The following RPL32 variants were observed in gnomAD, a reference collection of about 807,000 sequenced individuals.
The protein encoded by RPL32 is large ribosomal subunit protein eL32.
For synonymous variants in RPL32, 61 were observed against 62.6 expected (o/e 0.98, Z 0.12); for missense variants, 117 against 173.7 (o/e 0.67, Z 1.83).
intron 2 of RPL32, 114 bp downstream of exon 2, chr3:12,840,028 A>G (rs2062135673): frequency 3.5e-6 from 3 of 857,656 alleles, no homozygotes; most frequent in Admixed American, 3.6e-5. Context: ...TTCTACAGAA[A>G]GCTCTTCCAC....
At chr3:12,839,217 T>A in intron 3 of RPL32, 132 bp downstream of exon 3, 1 of 780,566 alleles carries the variant, frequency 1.3e-6, no homozygotes, top group South Asian at 1.7e-5. Context: ...AGGAACAACT[T>A]CTGATTCCCT....
At chr3:12,841,216 C>T (rs2062150180) in intron 1 of RPL32, 1 of 152,360 alleles carries the variant, frequency 6.6e-6, no homozygotes, top group Admixed American at 6.5e-5. Context: ...GTCCCACGGC[C>T]CCCAGGAGAC....
rs1325977435 is a variant in RPL32, at chr3:12,834,909, G to A, written c.*1185C>T. The A allele has an allele frequency of 1.3e-5, 2 of 152,176 alleles. No individual in the cohort carries two copies. Among genetic ancestry groups the A allele is most frequent in the Non-Finnish European group, 2.9e-5 (2 of 68,032 alleles). 9.4% of individuals were successfully genotyped at this position (152,176 alleles called of 1,614,324 possible). A position where few individuals can be genotyped will look rare whatever the true frequency, so the allele number is the denominator to read the frequency against. The stretch of plus-strand genomic sequence containing the variant: ...ATCAAGCCACTGCACTCCAGCCGGG[G>A]TGACAGAATGAGTCTCAAAAACAAA... On this transcript the variant is annotated 3_prime_UTR_variant, in exon 4 of 4. Transcript: ENST00000429711.
In RPL32 at chr3:12,841,518, C is replaced by G. The variant is rs1043816331; in HGVS notation, c.-30G>C. 1 of 152,242 alleles carries G rather than the reference C, an allele frequency of 6.6e-6. No homozygotes were observed. The highest frequency in any genetic ancestry group is 2.4e-5 in the African/African-American group (1 of 41,466). The allele number at this position is 152,242 out of a possible 1,614,324, so 9.4% of individuals were successfully genotyped here. A position where few individuals can be genotyped will look rare whatever the true frequency, so the allele number is the denominator to read the frequency against. On this transcript the variant is annotated 5_prime_UTR_variant, in exon 1 of 4. Transcript: ENST00000429711. ...CCGAGAAGGAGATGGCTGCCACCTC[C>G]GTAGGCAGCGCCGAGGAAGAGAGAA... is the stretch of plus-strand genomic sequence containing the variant.
chr3:12,839,096 A>G, intron 3 of RPL32: 1 of 572,732 alleles, frequency 1.7e-6, no homozygotes. Flanking sequence ...TGCAGTGTTC[A>G]CAAAGCAGTC....
rs535230696 is a variant in RPL32, at chr3:12,835,784, G to C, written c.*310C>G. Reference sequence around the variant, plus strand: ...CTAAGAATGACTACTTGTGGCTTGGGAGCCACAAGCTTCTTCAAGTGTCTC... The same window carrying C: ...CTAAGAATGACTACTTGTGGCTTGGCAGCCACAAGCTTCTTCAAGTGTCTC... On this transcript the variant is annotated 3_prime_UTR_variant, in exon 4 of 4. Coordinates refer to ENST00000429711, the MANE Select transcript of RPL32 (RefSeq NM_000994.4). The C allele has an allele frequency of 6.0e-5, 16 of 265,984 alleles. 1 individual carries two copies. In the Admixed American group the frequency reaches 7.4e-4, roughly 12 times the overall value. The allele number at this position is 265,984 out of a possible 1,614,324, so 16.5% of individuals were successfully genotyped here.
chr3:12,836,392 G>T (rs767098507), intron 3 of RPL32, among the ~76,000 whole-genome samples, 169 bp from the exon 4 acceptor site: 1 of 152,136 alleles, frequency 6.6e-6, no homozygotes, highest in Non-Finnish European at 1.5e-5. Flanking sequence ...CCCTGGTGGT[G>T]ACAAGAATGC....
chr3:12,838,088 G>A (rs2062113326), intron 3 of RPL32, among the ~76,000 whole-genome samples: 1 of 152,162 alleles, frequency 6.6e-6, no homozygotes, highest in Admixed American at 6.5e-5. Context: ...CTGTAGCCAG[G>A]GCAACACAGA....
chr3:12,840,705 CCTT>C (rs928153151), intron 1 of RPL32: 8 of 344,878 alleles, frequency 2.3e-5, no homozygotes, highest in Non-Finnish European at 3.5e-5. Flanking sequence ...TTCAATAAAA[CCTT>C]CTAATTCCCT....
rs1157900243 is a variant in RPL32 at position 12,836,185 on chromosome 3, T to C, written c.317A>G (p.Lys106Arg). The stretch of plus-strand genomic sequence containing the variant: ...TCTTTCCACGATGGCTTTGCGGTTC[T>C]TGGAGGAAACATTGTGAGCGATCTC... ...CAEIAHNVSS[K>R]NRKAIVERAA... Residue 106 changes from lysine to arginine, a missense_variant, in exon 4 of 4, where the codon AAG (lysine) becomes AGG (arginine). Physicochemically the swap from Lys to Arg is conservative, Grantham distance 26. Coordinates refer to ENST00000429711, the MANE Select transcript of RPL32 (RefSeq NM_000994.4). The C allele has an allele frequency of 1.2e-6, 2 of 1,602,006 alleles. No homozygotes were observed. Among genetic ancestry groups the C allele is most frequent in the African/African-American group, 2.7e-5 (2 of 74,918 alleles).
Position 12,836,169 on chromosome 3 carries a change from G to A in RPL32, c.333C>T (p.Ile111=), listed in dbSNP as rs574066569. 6.9e-6 allele frequency: 11 copies of A among 1,604,376 alleles called. No homozygotes were observed. Among genetic ancestry groups the A allele is most frequent in the Middle Eastern group, 3.3e-4 (2 of 6,056 alleles). The change falls in exon 4 of 4, where the codon ATC becomes ATT. Residue 111 remains isoleucine, a synonymous_variant. Transcript: ENST00000429711. ...HNVSSKNRKA[I]VERAAQLAIR... ...TGGCCAGTTGGGCAGCTCTTTCCACGATGGCTTTGCGGTTCTTGGAGGAAA... is the reference window on the plus strand; with the variant it reads ...TGGCCAGTTGGGCAGCTCTTTCCACAATGGCTTTGCGGTTCTTGGAGGAAA...
intron 3 of RPL32, 75 bp from the exon 4 acceptor site, chr3:12,836,298 A>T: frequency 1.8e-5 from 29 of 1,571,860 alleles, no homozygotes; most frequent in Non-Finnish European, 2.4e-5. Context: ...AGAGGCAATG[A>T]GTCCCAGCAC....
chr3:12,838,750 T>G (rs1020456445), intron 3 of RPL32, among the ~76,000 whole-genome samples: 1 of 152,178 alleles, frequency 6.6e-6, no homozygotes, highest in African/African-American at 2.4e-5. Context: ...TCCTTTCTAG[T>G]GATAACCAAT....
chr3:12,837,499 T>C (rs1345065981), intron 3 of RPL32, among the ~76,000 whole-genome samples: 1 of 152,276 alleles, frequency 6.6e-6, no homozygotes, highest in Non-Finnish European at 1.5e-5. Context: ...AGTAATCATG[T>C]TGGCCATACA....
Position 12,840,187 on chromosome 3 carries a change from G to C in RPL32, c.51C>G (p.Thr17=), listed in dbSNP as rs1661946928. Residue 17 remains threonine (T), a synonymous_variant, in exon 2 of 4, where the codon ACC becomes ACG. Coordinates refer to ENST00000429711, the MANE Select transcript of RPL32 (RefSeq NM_000994.4). ...CTGACTGGTGCCGGATGAACTTCTT[G>C]GTTCTCTTTTTGACGATCTTGGGCT... ...LVKPKIVKKR[T]KKFIRHQSDR... 6.2e-7 allele frequency: 1 copy of C among 1,614,052 alleles called. No homozygotes were observed. Among genetic ancestry groups the C allele is most frequent in the Non-Finnish European group, 8.5e-7 (1 of 1,179,912 alleles).
rs777059705 is a variant in RPL32 at position 12,836,085 on chromosome 3, A to C, written c.*9T>G. 6 of 1,611,090 alleles carry C rather than the reference A, an allele frequency of 3.7e-6. No individual in the cohort carries two copies. The South Asian group carries it at 6.6e-5, about 18-fold the overall frequency. On this transcript the variant is annotated 3_prime_UTR_variant, in exon 4 of 4. Coordinates refer to ENST00000429711, the MANE Select transcript of RPL32 (RefSeq NM_000994.4). The stretch of plus-strand genomic sequence containing the variant: ...ATTTATTTAAACAGAAAACGTGCAC[A>C]TGAGCTGCCTACTCATTTTCTTCAC...
chr3:12,840,888 A>G (rs1240007265), intron 1 of RPL32: 1 of 188,614 alleles, frequency 5.3e-6, no homozygotes, highest in Non-Finnish European at 1.1e-5. Context: ...CGCAGCCATC[A>G]ACTGGCCCAG....
intron 3 of RPL32, among the ~76,000 whole-genome samples, chr3:12,838,762 C>T (rs913404137): frequency 6.6e-6 from 1 of 152,178 alleles, no homozygotes; most frequent in Non-Finnish European, 1.5e-5. Flanking sequence ...ATAACCAATT[C>T]TCGACGAGAA....
In RPL32 at chr3:12,836,035, G is replaced by A. The variant is rs1428815483; in HGVS notation, c.*59C>T. On this transcript the variant is annotated 3_prime_UTR_variant, in exon 4 of 4. Transcript: ENST00000429711. ...AGCTGAAGACTTAAAATCAAGGAAG[G>A]AAGATGCCAGATGGCAGTTTTTACA... 4 of 1,592,878 alleles carry A rather than the reference G, an allele frequency of 2.5e-6. No individual in the cohort carries two copies. Among genetic ancestry groups the A allele is most frequent in the African/African-American group, 1.3e-5 (1 of 74,456 alleles).
Sources: allele counts gnomAD v4.1 joint callset (sites outside exome capture counted in the v4.1 genomes callset), GRCh38; gene constraint gnomAD v4.1.1; transcripts MANE v1.5; gene names NCBI Gene and HGNC (gene_info 2026-07-23, HGNC 2026-07-21).